Variants in TEX2 observed in about 807,000 individuals in gnomAD.
The protein encoded by TEX2 is testis expressed 2.
TEX2 carries 53 observed loss-of-function variants against 106.9 expected under a neutral mutation model. The ratio of observed to expected loss-of-function variants is 0.50; its 90% confidence interval spans 0.40 to 0.62. TEX2 has a LOEUF of 0.62. Among genes scored for constraint, TEX2 ranks in the 20% least tolerant of loss-of-function variants. The probability of loss-of-function intolerance (pLI) is 0.00; values close to 1 mark genes in which losing one functional copy is unlikely to be tolerated. For missense variants in TEX2, 1,207 were observed against 1,379.0 expected, an observed-to-expected ratio of 0.88 and a Z score of 1.98; for synonymous variants, 523 against 534.8, an observed-to-expected ratio of 0.98 and a Z score of 0.30.
intron 9 of TEX2, 79 bp downstream of exon 9, chr17:64,154,763 G>A (rs2030532404): frequency 7.1e-7 from 1 of 1,408,624 alleles, no homozygotes. Context: ...ACAGAGGAAG[G>A]AAGGGAAACA....
At chr17:64,186,698 C>A (rs2143846918) in intron 5 of TEX2, among the ~76,000 whole-genome samples, 1 of 152,164 alleles carries the variant, frequency 6.6e-6, no homozygotes, top group East Asian at 1.9e-4. Context: ...ACACCTGTAG[C>A]TCCAGCTACT....
chr17:64,170,304 A>C (rs937299087), intron 7 of TEX2, among the ~76,000 whole-genome samples: 5 of 152,274 alleles, frequency 3.3e-5, no homozygotes, highest in African/African-American at 7.2e-5. Context: ...TACTAGGAGT[A>C]GCAAGGAACA....
intron 4 of TEX2, among the ~76,000 whole-genome samples, chr17:64,189,487 G>A (rs1185504602): frequency 6.6e-6 from 1 of 152,202 alleles, no homozygotes; most frequent in Non-Finnish European, 1.5e-5. Flanking sequence ...ATTCAGTGAA[G>A]TTCTAAGCAT....
chr17:64,250,572 C>G (rs890722826), intron 1 of TEX2, among the ~76,000 whole-genome samples: 3 of 152,340 alleles, frequency 2.0e-5, no homozygotes, highest in East Asian at 3.9e-4. Flanking sequence ...TCTGCATGGT[C>G]TACTACACCT....
At chr17:64,239,904 A>AAAAAAAAAAAAAAAAAAAAAAAG (rs781859721) in intron 1 of TEX2, among the ~76,000 whole-genome samples, 1 of 118,790 alleles carries the variant, frequency 8.4e-6, no homozygotes, top group African/African-American at 3.2e-5. Flanking sequence ...AAAAAAAAAA[A>AAAAAAAAAAAAAAAAAAAAAAAG]GCAGAGAAGA....
At position 64,177,309 on chromosome 17, in the gene TEX2, G is replaced by A. The variant is rs1360337363; in HGVS notation, c.2571+16C>T. ...AAGTATAGAGGATTAGAAGCCTCTT[G>A]TGTGGAAAGTGATACCTTTATTTTG... On this transcript the variant is annotated intron_variant, in intron 6 of 11. Coordinates refer to ENST00000584379, the MANE Select transcript of TEX2 (RefSeq NM_001288732.2). 1 of 1,613,846 alleles carries A rather than the reference G, an allele frequency of 6.2e-7. No individual in the cohort carries two copies. Among genetic ancestry groups the A allele is most frequent in the Non-Finnish European group, 8.5e-7 (1 of 1,179,954 alleles).
At chr17:64,226,801 T>C (rs2033517729) in intron 1 of TEX2, among the ~76,000 whole-genome samples, 1 of 152,088 alleles carries the variant, frequency 6.6e-6, no homozygotes, top group African/African-American at 2.4e-5. Context: ...TGCTGAAAAC[T>C]GGTATTAGAA....
chr17:64,156,866 T>A (rs955031267), intron 8 of TEX2, among the ~76,000 whole-genome samples: 10 of 152,182 alleles, frequency 6.6e-5, no homozygotes, highest in Non-Finnish European at 5.9e-5. Flanking sequence ...CTGGGCCATA[T>A]CATCTGGCAG....
At chr17:64,235,578 G>A (rs1555635046) in intron 1 of TEX2, among the ~76,000 whole-genome samples, 1 of 152,174 alleles carries the variant, frequency 6.6e-6, no homozygotes, top group East Asian at 1.9e-4. Context: ...AAGCGCTTTT[G>A]TCTATTGTGA....
intron 5 of TEX2, 61 bp downstream of exon 5, chr17:64,188,107 G>T (rs950543564): frequency 1.4e-5 from 22 of 1,560,890 alleles, no homozygotes; most frequent in African/African-American, 2.7e-5. Flanking sequence ...GAGCACTTAC[G>T]CATGAAGAAA....
chr17:64,227,340 A>C (rs1433624985), intron 1 of TEX2, among the ~76,000 whole-genome samples: 1 of 152,166 alleles, frequency 6.6e-6, no homozygotes, highest in Non-Finnish European at 1.5e-5. Context: ...GTAAGTACTC[A>C]TCAAGCTGAC....
At chr17:64,258,906 T>C (rs1197846124) in intron 1 of TEX2, among the ~76,000 whole-genome samples, 1 of 152,112 alleles carries the variant, frequency 6.6e-6, no homozygotes, top group Non-Finnish European at 1.5e-5. Flanking sequence ...TACAGGCATG[T>C]GCCACCACGC....
At chr17:64,251,845 G>A (rs1180462325) in intron 1 of TEX2, among the ~76,000 whole-genome samples, 1 of 152,152 alleles carries the variant, frequency 6.6e-6, no homozygotes, top group African/African-American at 2.4e-5. Context: ...GTGTCCACCA[G>A]GTAGTACCAG....
chr17:64,152,864 C>T, intron 10 of TEX2, 81 bp downstream of exon 10: 2 of 1,441,136 alleles, frequency 1.4e-6, no homozygotes, highest in Middle Eastern at 2.2e-4. Context: ...CTTTCCATAA[C>T]CTCAAGGTTA....
At chr17:64,187,366 C>T (rs1418822988) in intron 5 of TEX2, among the ~76,000 whole-genome samples, 2 of 152,108 alleles carry the variant, frequency 1.3e-5, no homozygotes, top group African/African-American at 4.8e-5. Context: ...TCCAGTTGCT[C>T]AGGTCAAAGT....
intron 7 of TEX2, among the ~76,000 whole-genome samples, chr17:64,165,448 C>T (rs1429443549): frequency 1.3e-5 from 2 of 152,192 alleles, no homozygotes; most frequent in African/African-American, 4.8e-5. Flanking sequence ...CACACTAAGC[C>T]CTTTCCACAC....
At chr17:64,216,674 G>A (rs566083965) in intron 1 of TEX2, among the ~76,000 whole-genome samples, 2 of 152,338 alleles carry the variant, frequency 1.3e-5, no homozygotes, top group Non-Finnish European at 2.9e-5. Context: ...AGAAGCCTGC[G>A]GTCTCAGCAG....
intron 7 of TEX2, among the ~76,000 whole-genome samples, chr17:64,161,841 G>A (rs1598122936): frequency 6.6e-6 from 1 of 152,172 alleles, no homozygotes; most frequent in African/African-American, 2.4e-5. Flanking sequence ...GTGTTTAAAT[G>A]TTAATAAACT....
At chr17:64,193,493 A>T (rs2032367211) in intron 4 of TEX2, 66 bp downstream of exon 4, 37 of 1,060,588 alleles carry the variant, frequency 3.5e-5, no homozygotes, top group South Asian at 5.1e-5. Context: ...CCTACCTGGC[A>T]TTCTTTCTCT....
Sources: allele counts gnomAD v4.1 joint callset (sites outside exome capture counted in the v4.1 genomes callset), GRCh38; gene constraint gnomAD v4.1.1; transcripts MANE v1.5; gene names NCBI Gene and HGNC (gene_info 2026-07-23, HGNC 2026-07-21).